The following IMMP2L variants were observed in gnomAD, a reference collection of about 807,000 sequenced individuals.
IMMP2L encodes the protein mitochondrial inner membrane protease subunit 2.
Under a neutral mutation model 19.3 loss-of-function variants are expected in IMMP2L, and 18 were observed. The ratio of observed to expected loss-of-function variants is 0.93; its 90% CI spans 0.64 to 1.38. IMMP2L has a LOEUF of 1.38. Ranked by LOEUF, IMMP2L falls within the 40% of genes most tolerant of loss-of-function variation. The pLI is 0.00. For synonymous variants in IMMP2L, 76 were observed against 73.0 expected, an observed-to-expected ratio of 1.04 and a Z score of -0.21; for missense variants, 233 against 218.2, an observed-to-expected ratio of 1.07 and a Z score of -0.43.
At chr7:110,687,342 T>C (rs531804060) in intron 5 of IMMP2L, among the ~76,000 whole-genome samples, 1 of 152,232 alleles carries the variant, frequency 6.6e-6, no homozygotes, top group South Asian at 2.1e-4. Context: ...TATCGTTATT[T>C]ATATGTGCTA....
At chr7:111,509,597 G>A (rs1265321729) in intron 2 of IMMP2L, among the ~76,000 whole-genome samples, 1 of 152,054 alleles carries the variant, frequency 6.6e-6, no homozygotes, top group African/African-American at 2.4e-5. Flanking sequence ...AAATATCAGA[G>A]GGCATTGCAC....
chr7:111,450,366 T>C (rs951511417), intron 3 of IMMP2L, among the ~76,000 whole-genome samples: 1 of 151,966 alleles, frequency 6.6e-6, no homozygotes, highest in Non-Finnish European at 1.5e-5. Context: ...AACAGAGATA[T>C]AGATCAATGG....
intron 2 of IMMP2L, among the ~76,000 whole-genome samples, chr7:111,510,126 G>A (rs759917991): frequency 6.6e-6 from 1 of 152,116 alleles, no homozygotes; most frequent in Non-Finnish European, 1.5e-5. Flanking sequence ...AGAAAATAGA[G>A]CTTGAGTTTA....
At chr7:111,234,183 T>C (rs918747147) in intron 3 of IMMP2L, among the ~76,000 whole-genome samples, 1 of 152,108 alleles carries the variant, frequency 6.6e-6, no homozygotes, top group Non-Finnish European at 1.5e-5. Context: ...AACCTATGGG[T>C]TATTTAGAGG....
At chr7:110,689,964 C>T (rs572946576) in intron 5 of IMMP2L, among the ~76,000 whole-genome samples, 1 of 152,186 alleles carries the variant, frequency 6.6e-6, no homozygotes, top group East Asian at 1.9e-4. Context: ...TCATGGGAGG[C>T]TTTTGTATTA....
intron 3 of IMMP2L, among the ~76,000 whole-genome samples, chr7:111,294,357 A>C (rs1821411143): frequency 6.6e-6 from 1 of 151,964 alleles, no homozygotes; most frequent in African/African-American, 2.4e-5. Context: ...AATGAGCAGT[A>C]TATAGCTCTA....
chr7:111,103,827 A>C (rs1798244898), intron 3 of IMMP2L, among the ~76,000 whole-genome samples: 1 of 151,618 alleles, frequency 6.6e-6, no homozygotes, highest in Non-Finnish European at 1.5e-5. Context: ...CTCACCTTTC[A>C]GTAGATGAGG....
intron 3 of IMMP2L, among the ~76,000 whole-genome samples, chr7:111,272,643 G>C (rs1313313706): frequency 6.6e-6 from 1 of 152,164 alleles, no homozygotes; most frequent in Non-Finnish European, 1.5e-5. Flanking sequence ...TGTTAATAGA[G>C]AAGAGGAGCA....
chr7:111,339,444 T>A (rs1351367812), intron 3 of IMMP2L, among the ~76,000 whole-genome samples: 2 of 151,830 alleles, frequency 1.3e-5, no homozygotes, highest in Admixed American at 1.3e-4. Flanking sequence ...ATACACCTAA[T>A]ACCCTACATA....
intron 4 of IMMP2L, among the ~76,000 whole-genome samples, chr7:110,951,975 T>C (rs1817876798): frequency 6.6e-6 from 1 of 152,124 alleles, no homozygotes; most frequent in African/African-American, 2.4e-5. Flanking sequence ...TGTTTCTTAA[T>C]ATTAAGTAAC....
At chr7:111,250,013 T>C (rs1383823046) in intron 3 of IMMP2L, among the ~76,000 whole-genome samples, 2 of 152,118 alleles carry the variant, frequency 1.3e-5, no homozygotes, top group African/African-American at 2.4e-5. Context: ...AACCCCACCG[T>C]CTCAGCCCAA....
chr7:111,268,569 CTTTTTTTTTTTTTTTTTTTTTTTTT>C (rs762576425), intron 3 of IMMP2L, among the ~76,000 whole-genome samples: 4,776 of 44,636 alleles, frequency 0.11, 225 homozygotes, highest in South Asian at 0.22. Flanking sequence ...TCACATTTCT[CTTTTTTTTTTTTTTTTTTTTTTTTT>C]TTTTTTTTTT....
At chr7:111,500,358 C>T (rs1844076183) in intron 2 of IMMP2L, among the ~76,000 whole-genome samples, 1 of 152,196 alleles carries the variant, frequency 6.6e-6, no homozygotes. Context: ...CTGCCTGCCT[C>T]TGTAGGCTCC....
intron 3 of IMMP2L, among the ~76,000 whole-genome samples, chr7:111,474,708 A>G (rs939132761): frequency 6.6e-6 from 1 of 151,986 alleles, no homozygotes; most frequent in African/African-American, 2.4e-5. Flanking sequence ...TTTTTTGCCA[A>G]ATTTGGATCC....
chr7:111,416,675 C>G (rs1563165237), intron 3 of IMMP2L, among the ~76,000 whole-genome samples: 1 of 151,568 alleles, frequency 6.6e-6, no homozygotes, highest in Non-Finnish European at 1.5e-5. Context: ...TTTTTAAAAT[C>G]CCAACCAGAA....
intron 3 of IMMP2L, among the ~76,000 whole-genome samples, chr7:111,243,514 A>C (rs1275012085): frequency 7.1e-6 from 1 of 141,646 alleles, no homozygotes; most frequent in African/African-American, 2.6e-5. Flanking sequence ...TTGTTGCTTT[A>C]TTTTTTTTTT....
At chr7:111,100,734 T>G (rs1797883661) in intron 3 of IMMP2L, among the ~76,000 whole-genome samples, 1 of 151,344 alleles carries the variant, frequency 6.6e-6, no homozygotes, top group Non-Finnish European at 1.5e-5. Flanking sequence ...AGAAGTGTAA[T>G]GTATGTAAAA....
At chr7:110,926,206 G>A (rs1814833419) in intron 4 of IMMP2L, among the ~76,000 whole-genome samples, 1 of 151,936 alleles carries the variant, frequency 6.6e-6, no homozygotes, top group African/African-American at 2.4e-5. Context: ...CCTCTATTCA[G>A]GTGAGAAAAT....
At chr7:111,541,379 T>C (rs887581984) in intron 1 of IMMP2L, among the ~76,000 whole-genome samples, 9 of 152,180 alleles carry the variant, frequency 5.9e-5, no homozygotes, top group Non-Finnish European at 1.2e-4. Flanking sequence ...AGTGGGTAGT[T>C]GGGTAATATG....
Sources: gnomAD v4.1 joint callset for allele counts (sites outside exome capture counted in the v4.1 genomes callset) on GRCh38, gnomAD v4.1.1 for gene constraint, MANE v1.5 for transcripts, NCBI Gene and HGNC (gene_info 2026-07-23, HGNC 2026-07-21) for gene names.